Variants in TBC1D32 observed in about 807,000 individuals in gnomAD.
The protein encoded by TBC1D32 is protein broad-minded.
TBC1D32 carries 151 observed loss-of-function variants against 170.3 expected under a neutral mutation model. The observed-to-expected ratio is 0.89, with a 90% CI of 0.78 to 1.01. The LOEUF is 1.01. Among genes scored for constraint, TBC1D32 ranks in the 50% least tolerant of loss-of-function variants. TBC1D32 has a pLI of 0.00. For missense variants in TBC1D32, 1,464 were observed against 1,457.1 expected, an observed-to-expected ratio of 1.00 and a Z score of -0.08; for synonymous variants, 498 against 488.0, an observed-to-expected ratio of 1.02 and a Z score of -0.27.
chr6:121,290,607 C>T (rs560413814), intron 12 of TBC1D32, among the ~76,000 whole-genome samples: 6 of 152,146 alleles, frequency 3.9e-5, no homozygotes, highest in Admixed American at 3.3e-4. Context: ...CCTCAGGGAT[C>T]GTGAACTAGA....
At chr6:121,114,329 A>G (rs1236593727) in intron 27 of TBC1D32, among the ~76,000 whole-genome samples, 1 of 152,214 alleles carries the variant, frequency 6.6e-6, no homozygotes, top group Admixed American at 6.5e-5. Context: ...AACATTTCAT[A>G]ATAACTTTGC....
At chr6:121,304,251 C>A in intron 8 of TBC1D32, 114 bp downstream of exon 8, 1 of 856,484 alleles carries the variant, frequency 1.2e-6, no homozygotes, top group Non-Finnish European at 1.8e-6. Context: ...TTTTATTAAT[C>A]CCTTCCCAAT....
intron 22 of TBC1D32, among the ~76,000 whole-genome samples, chr6:121,198,042 A>G (rs901470080): frequency 6.8e-6 from 1 of 146,148 alleles, no homozygotes; most frequent in Non-Finnish European, 1.5e-5. Flanking sequence ...TTGGACTCCA[A>G]GTTCTTCAGT....
chr6:121,182,336 G>C (rs971722339), intron 22 of TBC1D32, among the ~76,000 whole-genome samples: 1 of 151,914 alleles, frequency 6.6e-6, no homozygotes, highest in Non-Finnish European at 1.5e-5. Context: ...TGTTATGCTA[G>C]GGTAGGTAAT....
chr6:121,190,063 G>C (rs1316251516), intron 22 of TBC1D32, among the ~76,000 whole-genome samples: 1 of 133,054 alleles, frequency 7.5e-6, no homozygotes, highest in Non-Finnish European at 1.6e-5. Context: ...CTTTCTCCTA[G>C]CCCAATACAG....
intron 30 of TBC1D32, among the ~76,000 whole-genome samples, chr6:121,103,078 G>T (rs1043445910): frequency 5.9e-5 from 9 of 152,052 alleles, no homozygotes; most frequent in African/African-American, 2.2e-4. Flanking sequence ...AAAAAGTCAA[G>T]AAACAACAGG....
rs190182539 is a variant in TBC1D32, at chr6:121,193,678, T to C, written c.2570+11397A>G. 1.6e-3 allele frequency among the ~76,000 whole-genome samples: 250 copies of C among 152,366 alleles called. 4 individuals carry two copies. The highest frequency in any genetic ancestry group is 3.8e-4 in the Non-Finnish European group (26 of 68,032). ...GCAGCAAACAGAACAGTCTGACTCA[T>C]GTAGAGCTCTGACATTAACTAATTA... is the stretch of plus-strand genomic sequence containing the variant. On this transcript the variant is annotated intron_variant, in intron 22 of 31. Transcript: ENST00000398212.
At chr6:121,313,105 GGTGTGTGTGTGTGT>G (rs71018125) in intron 3 of TBC1D32, among the ~76,000 whole-genome samples, 4,986 of 111,202 alleles carry the variant, frequency 0.045, 178 homozygotes, top group African/African-American at 0.073. Flanking sequence ...AAGCTAAGGT[GGTGTGTGTGTGTGT>G]GTGTGTGTGT....
chr6:121,207,810 TAA>T (rs1792474389), intron 21 of TBC1D32, among the ~76,000 whole-genome samples: 1 of 152,174 alleles, frequency 6.6e-6, no homozygotes, highest in African/African-American at 2.4e-5. Flanking sequence ...CAGTTCTATA[TAA>T]AGATATGTTT....
At chr6:121,273,806 G>T (rs2128431166) in intron 15 of TBC1D32, among the ~76,000 whole-genome samples, 2 of 152,142 alleles carry the variant, frequency 1.3e-5, no homozygotes, top group Admixed American at 6.5e-5. Context: ...AATTAAAGGG[G>T]GCCAACTGTT....
chr6:121,139,088 C>T (rs554527063), intron 24 of TBC1D32, among the ~76,000 whole-genome samples: 7 of 152,182 alleles, frequency 4.6e-5, no homozygotes, highest in Non-Finnish European at 7.4e-5. Context: ...CCTTGTGGTC[C>T]GCCCGCCTCG....
At chr6:121,089,569 T>G (rs1222510852) in intron 31 of TBC1D32, among the ~76,000 whole-genome samples, 3 of 152,194 alleles carry the variant, frequency 2.0e-5, no homozygotes, top group Non-Finnish European at 4.4e-5. Context: ...TATTTTTCTA[T>G]CTTAGTTTTT....
rs1037277907 is a variant in TBC1D32, at chr6:121,291,646, C to T, written c.1372+407G>A. 2.0e-5 allele frequency among the ~76,000 whole-genome samples: 3 copies of T among 152,088 alleles called. No individual in the cohort carries two copies. In the East Asian group the frequency reaches 5.8e-4, roughly 29 times the overall value. ...GTTTATAAAACAGTATTTGCAACCT[C>T]ATTTCTCTGTAATCACAAAAATTCT... On this transcript the variant is annotated intron_variant, in intron 12 of 31. Transcript: ENST00000398212.
chr6:121,261,226 G>C (rs905949374), intron 15 of TBC1D32, among the ~76,000 whole-genome samples: 1 of 152,150 alleles, frequency 6.6e-6, no homozygotes, highest in Non-Finnish European at 1.5e-5. Flanking sequence ...GAGGAATCTG[G>C]GCAGACCGGA....
intron 19 of TBC1D32, 37 bp downstream of exon 19, chr6:121,241,428 A>G: frequency 1.3e-6 from 2 of 1,543,158 alleles, no homozygotes; most frequent in South Asian, 1.2e-5. Context: ...TTTTATCTTT[A>G]AAATAATTAT....
At chr6:121,134,467 G>A (rs1033307480) in intron 24 of TBC1D32, among the ~76,000 whole-genome samples, 3 of 152,002 alleles carry the variant, frequency 2.0e-5, no homozygotes, top group Admixed American at 6.6e-5. Flanking sequence ...TGTGGTATGC[G>A]CCTGAATCTA....
chr6:121,252,615 T>C (rs1798445789), intron 17 of TBC1D32, among the ~76,000 whole-genome samples: 1 of 152,016 alleles, frequency 6.6e-6, no homozygotes, highest in Non-Finnish European at 1.5e-5. Context: ...AAATACCCAA[T>C]ATATGCAGGA....
At chr6:121,269,595 C>G (rs1801060902) in intron 15 of TBC1D32, among the ~76,000 whole-genome samples, 2 of 152,156 alleles carry the variant, frequency 1.3e-5, no homozygotes, top group South Asian at 4.1e-4. Context: ...AATACAGGAG[C>G]ACCCAGATTC....
At chr6:121,204,866 T>C (rs1232897242) in intron 22 of TBC1D32, among the ~76,000 whole-genome samples, 2 of 152,130 alleles carry the variant, frequency 1.3e-5, no homozygotes, top group East Asian at 3.8e-4. Context: ...ACTATAATAA[T>C]ATAGAATCCA....
Sources: gnomAD v4.1 joint callset for allele counts (sites outside exome capture counted in the v4.1 genomes callset) on GRCh38, gnomAD v4.1.1 for gene constraint, MANE v1.5 for transcripts, NCBI Gene and HGNC (gene_info 2026-07-23, HGNC 2026-07-21) for gene names.